The following STX6 variants were observed in gnomAD, a reference collection of about 807,000 sequenced individuals.
STX6 encodes the protein syntaxin 6.
In STX6, 23 loss-of-function variants were observed where a neutral mutation model predicts 38.0. The ratio of observed to expected loss-of-function variants is 0.60; its 90% CI spans 0.43 to 0.86. STX6 has a LOEUF of 0.86. STX6 is among the 40% of genes least tolerant of loss of function. The pLI is 0.00. For missense variants in STX6, 274 were observed against 312.9 expected, an observed-to-expected ratio of 0.88 and a Z score of 0.94; for synonymous variants, 123 against 107.5, an observed-to-expected ratio of 1.14 and a Z score of -0.89.
intron 1 of STX6, among the ~76,000 whole-genome samples, chr1:181,013,280 T>C (rs567824161): frequency 6.6e-6 from 1 of 152,340 alleles, no homozygotes; most frequent in African/African-American, 2.4e-5. Context: ...CATTCAGTTG[T>C]ACCAACAAAT....
At chr1:181,010,518 T>C (rs930333176) in intron 1 of STX6, among the ~76,000 whole-genome samples, 2 of 152,138 alleles carry the variant, frequency 1.3e-5, no homozygotes, top group African/African-American at 4.8e-5. Flanking sequence ...GCCAGGCTGG[T>C]CTCAAACTCC....
intron 7 of STX6, among the ~76,000 whole-genome samples, chr1:180,983,941 G>T (rs1372617959): frequency 1.3e-5 from 2 of 151,608 alleles, no homozygotes; most frequent in Non-Finnish European, 2.9e-5. Context: ...GCGGGCGCCT[G>T]TAGTCCCAGC....
chr1:181,008,727 G>C (rs6682079), intron 1 of STX6, among the ~76,000 whole-genome samples: 19 of 108,726 alleles, frequency 1.7e-4, no homozygotes, highest in African/African-American at 6.3e-4. Context: ...TTCCAAAATT[G>C]TTTTTTTTTT....
chr1:181,016,638 C>T (rs1020358601), intron 1 of STX6, among the ~76,000 whole-genome samples: 2 of 152,214 alleles, frequency 1.3e-5, no homozygotes, highest in African/African-American at 2.4e-5. Flanking sequence ...GAATAGAATG[C>T]GTGATGCCCT....
At chr1:180,997,191 C>T (rs946588615) in intron 3 of STX6, among the ~76,000 whole-genome samples, 6 of 152,160 alleles carry the variant, frequency 3.9e-5, no homozygotes, top group African/African-American at 1.4e-4. Flanking sequence ...AGAGGTAACA[C>T]ATGAAGCCTG....
chr1:180,993,007 G>A (rs1030157531), intron 4 of STX6, among the ~76,000 whole-genome samples: 1 of 152,192 alleles, frequency 6.6e-6, no homozygotes, highest in African/African-American at 2.4e-5. Context: ...CAGAGAGAAA[G>A]ACAGTAATTA....
intron 7 of STX6, among the ~76,000 whole-genome samples, chr1:180,979,834 A>C (rs149612175): frequency 6.2e-5 from 9 of 145,714 alleles, no homozygotes; most frequent in African/African-American, 2.0e-4. Context: ...TTATACAAAG[A>C]ATTTTTAAAA....
intron 1 of STX6, among the ~76,000 whole-genome samples, chr1:181,020,829 G>C (rs1367200747): frequency 2.0e-5 from 3 of 152,160 alleles, no homozygotes; most frequent in Non-Finnish European, 4.4e-5. Flanking sequence ...CCTAGGCTAA[G>C]GGCCATAATT....
intron 3 of STX6, among the ~76,000 whole-genome samples, chr1:181,001,943 C>T (rs1329995641): frequency 1.3e-5 from 2 of 152,180 alleles, no homozygotes; most frequent in Non-Finnish European, 2.9e-5. Context: ...CTTTGAGAGG[C>T]TGAGGCAGGC....
At chr1:180,980,624 G>C (rs540827746) in intron 7 of STX6, 87 of 121,394 alleles carry the variant, frequency 7.2e-4, no homozygotes, top group African/African-American at 2.6e-3. Flanking sequence ...GTGTGATCTC[G>C]GCTCACTGCA....
rs1655189568 is a variant in STX6 at position 180,974,107 on chromosome 1, A to G, written c.*2463T>C. The G allele has an allele frequency of 6.6e-6, 1 of 152,200 alleles. No individual in the cohort carries two copies. Among genetic ancestry groups the G allele is most frequent in the Admixed American group, 6.5e-5 (1 of 15,280 alleles). The allele number at this position is 152,200 out of a possible 1,614,324, so 9.4% of individuals were successfully genotyped here. On this transcript the variant is annotated 3_prime_UTR_variant, in exon 8 of 8. Transcript: ENST00000258301. ...CACTGAGGAGGAAATATTTGTCCTT[A>G]AAAATAAATGTAGGTTCCCTGGATT...
At chr1:181,014,017 T>C (rs2102331853) in intron 1 of STX6, among the ~76,000 whole-genome samples, 1 of 152,338 alleles carries the variant, frequency 6.6e-6, no homozygotes, top group East Asian at 1.9e-4. Flanking sequence ...AATCTGCTAG[T>C]CAAAGCAGTT....
At chr1:180,986,553 T>C (rs1004366563) in intron 6 of STX6, among the ~76,000 whole-genome samples, 1 of 152,190 alleles carries the variant, frequency 6.6e-6, no homozygotes, top group Non-Finnish European at 1.5e-5. Context: ...CTGTTATTTC[T>C]ATTTTTTTAG....
intron 4 of STX6, among the ~76,000 whole-genome samples, chr1:180,991,022 A>G (rs749442113): frequency 6.6e-6 from 1 of 152,176 alleles, no homozygotes; most frequent in African/African-American, 2.4e-5. Flanking sequence ...TTTTCCTTGT[A>G]GAGTTGCCAA....
intron 3 of STX6, among the ~76,000 whole-genome samples, chr1:180,997,926 T>C (rs996710007): frequency 5.9e-5 from 9 of 152,190 alleles, no homozygotes; most frequent in African/African-American, 2.2e-4. Flanking sequence ...CGAAGAGGCA[T>C]TTTCTCTTCA....
chr1:180,997,267 T>A (rs1655941195), intron 3 of STX6, among the ~76,000 whole-genome samples: 1 of 152,202 alleles, frequency 6.6e-6, no homozygotes, highest in Non-Finnish European at 1.5e-5. Context: ...CGTATGCAAC[T>A]ATTAAAAAGG....
rs112768948 is a variant in STX6 at position 180,984,089 on chromosome 1, A to C, written c.691+588T>G. Among the ~76,000 whole-genome samples, 161 of 96,982 alleles carry C rather than the reference A, an allele frequency of 1.7e-3. 1 individual carries two copies. Among genetic ancestry groups the C allele is most frequent in the African/African-American group, 3.5e-3 (110 of 31,502 alleles). The allele number at this position is 96,982 out of a possible 152,430, so 63.6% of individuals were successfully genotyped here. On this transcript the variant is annotated intron_variant, in intron 7 of 7. Coordinates refer to ENST00000258301, the MANE Select transcript of STX6 (RefSeq NM_005819.6). ...AAAAAAAAAAAAAAAAAAAAAAAAAAACACAACGAAAGTGACTCTACTGGG... is the reference window on the plus strand; with the variant it reads ...AAAAAAAAAAAAAAAAAAAAAAAAACACACAACGAAAGTGACTCTACTGGG...
At chr1:181,006,026 T>C (rs1323051358) in intron 1 of STX6, among the ~76,000 whole-genome samples, 1 of 152,142 alleles carries the variant, frequency 6.6e-6, no homozygotes, top group Non-Finnish European at 1.5e-5. Flanking sequence ...ATACCTACTT[T>C]CCTTAATTAA....
intron 1 of STX6, among the ~76,000 whole-genome samples, chr1:181,007,920 C>A (rs1379240486): frequency 6.6e-6 from 1 of 152,112 alleles, no homozygotes; most frequent in African/African-American, 2.4e-5. Context: ...TGCATTTGTG[C>A]AAATCTCTTC....
Sources: allele counts gnomAD v4.1 joint callset (sites outside exome capture counted in the v4.1 genomes callset), GRCh38; gene constraint gnomAD v4.1.1; transcripts MANE v1.5; gene names NCBI Gene and HGNC (gene_info 2026-07-23, HGNC 2026-07-21).